The following RALGPS1 variants were observed in gnomAD, a reference collection of about 807,000 sequenced individuals.
RALGPS1 encodes the protein ras-specific guanine nucleotide-releasing factor RalGPS1.
RALGPS1 carries 19 observed loss-of-function variants against 78.8 expected under a neutral mutation model. The observed-to-expected ratio is 0.24, with a 90% CI of 0.17 to 0.35. RALGPS1 has a LOEUF of 0.35. Among genes scored for constraint, RALGPS1 ranks in the 10% least tolerant of loss-of-function variants. RALGPS1 has a pLI of 1.00. For missense variants in RALGPS1, 454 were observed against 688.3 expected (o/e 0.66, Z 3.81); for synonymous variants, 228 against 256.3 (o/e 0.89, Z 1.06).
At chr9:127,019,429 G>A (rs1363104396) in intron 4 of RALGPS1, among the ~76,000 whole-genome samples, 1 of 152,080 alleles carries the variant, frequency 6.6e-6, no homozygotes, top group Non-Finnish European at 1.5e-5. Context: ...CCGGGTTCAT[G>A]CCATTCTCCT....
chr9:127,072,252 GC>G (rs978427244), intron 8 of RALGPS1, among the ~76,000 whole-genome samples: 2 of 152,110 alleles, frequency 1.3e-5, no homozygotes, highest in African/African-American at 4.8e-5. Flanking sequence ...TGGCTCTTTT[GC>G]CCAGGCTGGA....
chr9:127,124,556 A>T (rs2056461688), intron 8 of RALGPS1, among the ~76,000 whole-genome samples: 1 of 152,184 alleles, frequency 6.6e-6, no homozygotes, highest in African/African-American at 2.4e-5. Flanking sequence ...GCGTATAATA[A>T]GATGGTGGTT....
At chr9:126,922,325 C>T (rs561493772) in intron 1 of RALGPS1, among the ~76,000 whole-genome samples, 1 of 152,256 alleles carries the variant, frequency 6.6e-6, no homozygotes, top group Middle Eastern at 3.4e-3. Context: ...GCCTTGACAT[C>T]ATAGGTTTCT....
intron 8 of RALGPS1, among the ~76,000 whole-genome samples, chr9:127,129,498 C>T (rs1052086218): frequency 2.0e-5 from 3 of 152,190 alleles, no homozygotes; most frequent in Admixed American, 2.0e-4. Context: ...ATTCCAAAGA[C>T]CAGCCAAGCT....
chr9:127,173,420 A>G (rs2059666933), intron 10 of RALGPS1, among the ~76,000 whole-genome samples: 1 of 152,226 alleles, frequency 6.6e-6, no homozygotes, highest in South Asian at 2.1e-4. Flanking sequence ...CCAGTTTCAG[A>G]ATCCTCTTTT....
chr9:127,066,323 G>A (rs2049697832), intron 7 of RALGPS1, among the ~76,000 whole-genome samples: 1 of 152,212 alleles, frequency 6.6e-6, no homozygotes, highest in Admixed American at 6.5e-5. Context: ...TGAATAAGGG[G>A]CGTGAGTGGT....
At chr9:127,013,238 T>A (rs1489298740) in intron 4 of RALGPS1, among the ~76,000 whole-genome samples, 8 of 152,154 alleles carry the variant, frequency 5.3e-5, no homozygotes, top group African/African-American at 1.7e-4. Context: ...GAAGTAAGAC[T>A]GGAGAATAGA....
chr9:127,048,522 C>T (rs916769596), intron 5 of RALGPS1, among the ~76,000 whole-genome samples: 9 of 152,160 alleles, frequency 5.9e-5, no homozygotes, highest in African/African-American at 4.8e-5. Flanking sequence ...GCCCACACAC[C>T]GAAGGGGCTT....
intron 3 of RALGPS1, among the ~76,000 whole-genome samples, chr9:126,970,031 A>G (rs530257562): frequency 9.2e-5 from 14 of 152,262 alleles, no homozygotes; most frequent in East Asian, 7.7e-4. Context: ...CTAGTGAAAG[A>G]AAAAACCCAG....
At chr9:127,042,073 ATAG>A (rs1379411333) in intron 5 of RALGPS1, among the ~76,000 whole-genome samples, 1 of 152,222 alleles carries the variant, frequency 6.6e-6, no homozygotes, top group Non-Finnish European at 1.5e-5. Flanking sequence ...TTCATAAGAA[ATAG>A]TAGTATTTTT....
At chr9:127,199,461 G>A (rs2061506818) in intron 14 of RALGPS1, among the ~76,000 whole-genome samples, 2 of 152,152 alleles carry the variant, frequency 1.3e-5, no homozygotes, top group Non-Finnish European at 2.9e-5. Context: ...ATGGCCTCAG[G>A]CCTTCGGTAT....
chr9:127,060,518 T>C (rs1281366917), intron 7 of RALGPS1, among the ~76,000 whole-genome samples: 1 of 144,598 alleles, frequency 6.9e-6, no homozygotes, highest in East Asian at 2.0e-4. Flanking sequence ...CCTGTTGTTG[T>C]TGTTGTTGTT....
chr9:127,054,905 G>A (rs185368613), intron 7 of RALGPS1, among the ~76,000 whole-genome samples: 4 of 152,080 alleles, frequency 2.6e-5, no homozygotes, highest in African/African-American at 9.6e-5. Context: ...TTGAGCCCAG[G>A]AATTCAAGGC....
chr9:127,179,030 A>G (rs970494052), intron 11 of RALGPS1, among the ~76,000 whole-genome samples: 5 of 152,208 alleles, frequency 3.3e-5, no homozygotes, highest in East Asian at 3.8e-4. Context: ...AGCTCCTTAC[A>G]GGGTCCTGTA....
At chr9:127,189,064 G>T (rs2060875220) in intron 11 of RALGPS1, among the ~76,000 whole-genome samples, 1 of 145,494 alleles carries the variant, frequency 6.9e-6, no homozygotes, top group Admixed American at 6.9e-5. Context: ...GGGCTGAACA[G>T]CCAGGCCAGG....
chr9:126,955,661 A>G (rs764071604), intron 1 of RALGPS1, among the ~76,000 whole-genome samples: 2 of 152,242 alleles, frequency 1.3e-5, no homozygotes, highest in Non-Finnish European at 2.9e-5. Context: ...GTATAATTTT[A>G]TGCATTTAAA....
At chr9:127,184,086 G>A (rs747067774) in intron 11 of RALGPS1, 15 of 1,531,088 alleles carry the variant, frequency 9.8e-6, no homozygotes, top group Middle Eastern at 1.7e-4. Context: ...AGCACTTTGG[G>A]AAGCCGAAGC....
chr9:127,024,479 A>G (rs1357886538), intron 4 of RALGPS1, among the ~76,000 whole-genome samples: 1 of 151,090 alleles, frequency 6.6e-6, no homozygotes. Flanking sequence ...TGTTGATTAT[A>G]CTTTTACATT....
chr9:127,207,847 G>A (rs1192157997), intron 14 of RALGPS1, among the ~76,000 whole-genome samples: 8 of 152,220 alleles, frequency 5.3e-5, no homozygotes, highest in South Asian at 4.1e-4. Flanking sequence ...GCCTGGGGTC[G>A]CTCCCCGTGG....
Sources: allele counts gnomAD v4.1 joint callset (sites outside exome capture counted in the v4.1 genomes callset), GRCh38; gene constraint gnomAD v4.1.1; transcripts MANE v1.5; gene names NCBI Gene and HGNC (gene_info 2026-07-23, HGNC 2026-07-21).